RAD51B: variants seen among roughly 807,000 people sequenced by gnomAD.
RAD51B encodes the protein DNA repair protein RAD51 homolog 2.
Under a neutral mutation model 42.2 loss-of-function variants are expected in RAD51B, and 38 were observed. The observed-to-expected ratio is 0.90, with a 90% CI of 0.70 to 1.18. The LOEUF is 1.18. RAD51B is among the 50% of genes most tolerant of loss of function. RAD51B has a pLI of 0.00. For missense variants in RAD51B, 373 were observed against 400.7 expected, an observed-to-expected ratio of 0.93 and a Z score of 0.59; for synonymous variants, 154 against 145.2, an observed-to-expected ratio of 1.06 and a Z score of -0.43.
intron 7 of RAD51B, among the ~76,000 whole-genome samples, chr14:68,001,582 G>A (rs1339949094): frequency 2.0e-5 from 3 of 152,194 alleles, no homozygotes. Context: ...TGCAGGATGT[G>A]CAGGTTTGTT....
At chr14:68,443,705 T>C (rs2085354709) in intron 9 of RAD51B, among the ~76,000 whole-genome samples, 1 of 152,166 alleles carries the variant, frequency 6.6e-6, no homozygotes, top group Non-Finnish European at 1.5e-5. Context: ...CTGATGGTAA[T>C]GCAGAAGATG....
At chr14:68,183,605 C>G (rs1037246427) in intron 7 of RAD51B, among the ~76,000 whole-genome samples, 14 of 152,188 alleles carry the variant, frequency 9.2e-5, no homozygotes, top group African/African-American at 3.4e-4. Flanking sequence ...TCCTATTGAT[C>G]CTGATTCTTG....
chr14:68,277,463 C>G (rs1350902265), intron 7 of RAD51B, among the ~76,000 whole-genome samples: 1 of 152,112 alleles, frequency 6.6e-6, no homozygotes, highest in Admixed American at 6.5e-5. Context: ...ATGTAAAGAC[C>G]ATGAGATATG....
At chr14:68,047,789 T>A (rs1209728270) in intron 7 of RAD51B, among the ~76,000 whole-genome samples, 1 of 152,210 alleles carries the variant, frequency 6.6e-6, no homozygotes, top group Non-Finnish European at 1.5e-5. Flanking sequence ...TAGGCTTCAC[T>A]GTATGAAGAA....
At chr14:68,428,894 G>A (rs2084926415) in intron 9 of RAD51B, among the ~76,000 whole-genome samples, 1 of 150,814 alleles carries the variant, frequency 6.6e-6, no homozygotes, top group Non-Finnish European at 1.5e-5. Flanking sequence ...TCCTAATGCT[G>A]TCCCTCCCCA....
intron 7 of RAD51B, among the ~76,000 whole-genome samples, chr14:68,090,384 A>G (rs1276046417): frequency 6.6e-6 from 1 of 152,200 alleles, no homozygotes; most frequent in Non-Finnish European, 1.5e-5. Context: ...ACAGGTTAAG[A>G]TTAGCTTTTA....
At chr14:68,096,442 T>G (rs2077196257) in intron 7 of RAD51B, among the ~76,000 whole-genome samples, 1 of 152,244 alleles carries the variant, frequency 6.6e-6, no homozygotes, top group Non-Finnish European at 1.5e-5. Flanking sequence ...AGCTATGTGC[T>G]TAACTCAGCT....
intron 5 of RAD51B, among the ~76,000 whole-genome samples, chr14:67,866,690 T>C (rs955918487): frequency 6.6e-6 from 1 of 152,254 alleles, no homozygotes; most frequent in Non-Finnish European, 1.5e-5. Context: ...GATATCAGCA[T>C]ACATACAGAA....
chr14:68,405,037 TCGAACCCTGGCTG>T (rs1015879106), intron 8 of RAD51B, among the ~76,000 whole-genome samples: 1 of 152,200 alleles, frequency 6.6e-6, no homozygotes, highest in Non-Finnish European at 1.5e-5. Context: ...TGGCCTGGTT[TCGAACCCTGGCTG>T]TGTCAGTAAC....
intron 7 of RAD51B, among the ~76,000 whole-genome samples, chr14:67,927,758 G>A (rs764027621): frequency 2.2e-4 from 32 of 143,116 alleles, no homozygotes; most frequent in Non-Finnish European, 4.1e-4. Flanking sequence ...TTGTGTGTGT[G>A]TATATATTAT....
intron 4 of RAD51B, among the ~76,000 whole-genome samples, chr14:67,841,321 T>G (rs142755392): frequency 1.3e-5 from 2 of 152,352 alleles, no homozygotes; most frequent in African/African-American, 4.8e-5. Flanking sequence ...AATCTGGATA[T>G]TAGACCTTTG....
intron 10 of RAD51B, among the ~76,000 whole-genome samples, chr14:68,520,082 C>T (rs942927463): frequency 4.0e-5 from 6 of 151,534 alleles, no homozygotes; most frequent in Non-Finnish European, 2.9e-5. Flanking sequence ...GGGGTTTGGA[C>T]CCCAATTTTT....
chr14:68,656,452 A>C (rs184556253), intron 11 of RAD51B, among the ~76,000 whole-genome samples: 1 of 152,210 alleles, frequency 6.6e-6, no homozygotes, highest in Non-Finnish European at 1.5e-5. Context: ...CTGAGGCCTA[A>C]CATGCAGGAG....
At chr14:67,839,783 A>G (rs928222550) in intron 4 of RAD51B, among the ~76,000 whole-genome samples, 1 of 151,744 alleles carries the variant, frequency 6.6e-6, no homozygotes, top group Non-Finnish European at 1.5e-5. Context: ...ATTAATTTTC[A>G]GTTTTTCTTT....
At chr14:67,832,625 T>G (rs2041092903) in intron 3 of RAD51B, among the ~76,000 whole-genome samples, 1 of 152,222 alleles carries the variant, frequency 6.6e-6, no homozygotes, top group Non-Finnish European at 1.5e-5. Context: ...GTAAATGAAA[T>G]AATGTATGTA....
At chr14:68,553,635 G>A (rs554184638) in intron 10 of RAD51B, among the ~76,000 whole-genome samples, 1 of 148,708 alleles carries the variant, frequency 6.7e-6, no homozygotes, top group East Asian at 2.1e-4. Flanking sequence ...GTCACACTGT[G>A]TGATTTAGGA....
chr14:68,594,728 A>G (rs942108007), exon 11 of RAD51B: 32 of 1,262,994 alleles, frequency 2.5e-5, no homozygotes, highest in Admixed American at 9.8e-5. Flanking sequence ...TGCCATTCCA[A>G]TGAGAATTTT....
At chr14:68,465,588 G>A (rs907753361) in intron 9 of RAD51B, among the ~76,000 whole-genome samples, 1 of 152,112 alleles carries the variant, frequency 6.6e-6, no homozygotes, top group Admixed American at 6.5e-5. Flanking sequence ...CATTAAAATC[G>A]AGAACCACTG....
At chr14:68,317,858 T>C (rs774020681) in intron 8 of RAD51B, among the ~76,000 whole-genome samples, 3 of 152,252 alleles carry the variant, frequency 2.0e-5, no homozygotes, top group Non-Finnish European at 4.4e-5. Flanking sequence ...GAACTTGGGA[T>C]GTGTTCTGAG....
Sources: allele counts gnomAD v4.1 joint callset (sites outside exome capture counted in the v4.1 genomes callset), GRCh38; gene constraint gnomAD v4.1.1; transcripts MANE v1.5; gene names NCBI Gene and HGNC (gene_info 2026-07-23, HGNC 2026-07-21).